CRACR2A: variants seen among roughly 807,000 people sequenced by gnomAD.
CRACR2A encodes EF-hand calcium-binding domain-containing protein 4B.
Under a neutral mutation model 90.5 loss-of-function variants are expected in CRACR2A, and 79 were observed. The observed-to-expected ratio is 0.87, with a 90% CI of 0.73 to 1.05. The LOEUF is 1.05. Ranked by LOEUF, CRACR2A falls within the 50% of genes least tolerant of loss-of-function variation. The pLI, the probability that CRACR2A is intolerant of heterozygous loss-of-function variation, is 0.00. For synonymous variants in CRACR2A, 338 were observed against 356.7 expected (o/e 0.95, Z 0.59); for missense variants, 823 against 897.2 (o/e 0.92, Z 1.06).
chr12:3,673,936 T>A (rs1400425715), intron 6 of CRACR2A, among the ~76,000 whole-genome samples: 1 of 152,166 alleles, frequency 6.6e-6, no homozygotes, highest in East Asian at 1.9e-4. Context: ...GTTGGCCTCC[T>A]TCCCCACCTC....
intron 2 of CRACR2A, among the ~76,000 whole-genome samples, chr12:3,721,622 TCTC>T (rs1946177890): frequency 6.6e-6 from 1 of 151,148 alleles, no homozygotes; most frequent in African/African-American, 2.4e-5. Context: ...ACGTTATTCT[TCTC>T]CTCAAATAGC....
Position 3,637,150 on chromosome 12 carries a change from G to C in CRACR2A, c.1602+974C>G, listed in dbSNP as rs538679374. ...GCAGGAAGACCTGGTGGGCAGTACAGGGTCACACTGAAGGGAGGAGCAGGC... is the reference window on the plus strand; with the variant it reads ...GCAGGAAGACCTGGTGGGCAGTACACGGTCACACTGAAGGGAGGAGCAGGC... On this transcript the variant is annotated intron_variant, in intron 14 of 19. Transcript: ENST00000440314. Among the ~76,000 whole-genome samples, 10 of 152,326 alleles carry C rather than the reference G, an allele frequency of 6.6e-5. No homozygotes were observed. In the South Asian group the frequency reaches 2.1e-3, roughly 32 times the overall value.
chr12:3,707,993 T>A (rs1945953526), intron 3 of CRACR2A, among the ~76,000 whole-genome samples: 1 of 152,216 alleles, frequency 6.6e-6, no homozygotes, highest in Non-Finnish European at 1.5e-5. Flanking sequence ...CTGGACAAAG[T>A]CGGGGCTGCA....
intron 2 of CRACR2A, among the ~76,000 whole-genome samples, chr12:3,724,491 C>A (rs1361575590): frequency 6.6e-6 from 1 of 152,212 alleles, no homozygotes; most frequent in Non-Finnish European, 1.5e-5. Flanking sequence ...TAACTAAGCA[C>A]AGCTGGCATT....
In CRACR2A at chr12:3,659,428, C is replaced by T. The variant is rs1011653480; in HGVS notation, c.762+136G>A. The T allele has an allele frequency of 1.0e-4, 70 of 667,148 alleles. No homozygotes were observed. In the East Asian group the frequency reaches 1.9e-3, roughly 18 times the overall value. The allele number at this position is 667,148 out of a possible 1,614,324, so 41.3% of individuals were successfully genotyped here. ...ATGTCCTGTGTGAAGGTGATAAATGCCTTGAAAAAAAAATACAGCAGAGAA... is the reference window on the plus strand; with the variant it reads ...ATGTCCTGTGTGAAGGTGATAAATGTCTTGAAAAAAAAATACAGCAGAGAA... On this transcript the variant is annotated intron_variant, in intron 8 of 19. Transcript: ENST00000440314.
At chr12:3,733,387 C>T (rs1305379989) in intron 1 of CRACR2A, among the ~76,000 whole-genome samples, 177 bp from the exon 2 acceptor site, 1 of 152,246 alleles carries the variant, frequency 6.6e-6, no homozygotes, top group African/African-American at 2.4e-5. Context: ...GTGACCTCCT[C>T]CCCAGCTCAG....
At chr12:3,640,666 A>G in intron 13 of CRACR2A, 1 of 1,305,432 alleles carries the variant, frequency 7.7e-7, no homozygotes. Context: ...GCTGATTTAC[A>G]TCTCCAGAGT....
rs373239567 is a variant in CRACR2A at position 3,678,888 on chromosome 12, G to A, written c.524+27C>T. 2.8e-5 allele frequency: 44 copies of A among 1,579,830 alleles called. 1 individual carries two copies. Among genetic ancestry groups the A allele is most frequent in the South Asian group, 9.5e-5 (8 of 83,898 alleles). The stretch of plus-strand genomic sequence containing the variant: ...AGAGGTTCCTACCAGGCTGGTCTCC[G>A]TTCTACAAATCACTGTCACCACTTA... On this transcript the variant is annotated intron_variant, in intron 6 of 19. Coordinates refer to ENST00000440314, the MANE Select transcript of CRACR2A (RefSeq NM_001144958.2).
intron 17 of CRACR2A, 42 bp from the exon 18 acceptor site, chr12:3,619,414 G>T: frequency 6.7e-7 from 1 of 1,494,544 alleles, no homozygotes; most frequent in South Asian, 1.2e-5. Context: ...GGGTGTCATA[G>T]GATTGCCCAG....
Position 3,678,932 on chromosome 12 carries a change from G to A in CRACR2A, c.507C>T (p.Ala169=), listed in dbSNP as rs1168042820. 3 of 1,608,662 alleles carry A rather than the reference G, an allele frequency of 1.9e-6. No individual in the cohort carries two copies. The highest frequency in any genetic ancestry group is 2.5e-6 in the Non-Finnish European group (3 of 1,178,092). ...CCACTTACTCTTCCAACACCTTTTG[G>A]GCTCCAAGTCTGTCCATCAGCATCC... The part of the protein sequence containing the change: ...QFRMLMDRLG[A]QKVLEDESDV... Residue 169 remains alanine, a synonymous_variant, in exon 6 of 20, where the codon GCC becomes GCT. Transcript: ENST00000440314.
intron 7 of CRACR2A, among the ~76,000 whole-genome samples, chr12:3,669,377 A>G (rs1420181538): frequency 6.6e-6 from 1 of 152,200 alleles, no homozygotes; most frequent in Non-Finnish European, 1.5e-5. Flanking sequence ...GTTCTCCCCA[A>G]TGTCTACACT....
intron 3 of CRACR2A, among the ~76,000 whole-genome samples, chr12:3,703,587 T>C (rs1945868595): frequency 6.6e-6 from 1 of 152,146 alleles, no homozygotes; most frequent in African/African-American, 2.4e-5. Context: ...TTCATCAAAA[T>C]TTGAAACATC....
intron 1 of CRACR2A, among the ~76,000 whole-genome samples, chr12:3,739,397 C>T (rs1946491467): frequency 4.6e-5 from 7 of 152,236 alleles, no homozygotes; most frequent in Admixed American, 3.9e-4. Context: ...ATGCTCCCAG[C>T]ATAGCTTCTG....
At chr12:3,728,122 G>A in intron 2 of CRACR2A, 1 of 152,242 alleles carries the variant, frequency 6.6e-6, no homozygotes, top group East Asian at 1.9e-4. Flanking sequence ...ATTCCATCAG[G>A]ACTCTGGAGT....
At chr12:3,718,464 G>T (rs561296252) in intron 2 of CRACR2A, among the ~76,000 whole-genome samples, 6 of 152,316 alleles carry the variant, frequency 3.9e-5, no homozygotes, top group African/African-American at 1.4e-4. Context: ...CCAAGCCATA[G>T]ACCTGTACTG....
chr12:3,745,825 T>TAAAATAAAATAAGATAAAATAAAG (rs149739964), intron 1 of CRACR2A, among the ~76,000 whole-genome samples: 1 of 100,486 alleles, frequency 1.0e-5, no homozygotes. Flanking sequence ...TAAAATAAAA[T>TAAAATAAAATAAGATAAAATAAAG]AAAGAAAGAA....
intron 7 of CRACR2A, chr12:3,672,589 T>G (rs1945264870): frequency 9.2e-6 from 2 of 217,210 alleles, no homozygotes; most frequent in Non-Finnish European, 1.6e-5. Context: ...ATACCACATC[T>G]AAGTCCATGT....
At chr12:3,666,655 C>T (rs368473420) in intron 7 of CRACR2A, among the ~76,000 whole-genome samples, 13 of 152,360 alleles carry the variant, frequency 8.5e-5, no homozygotes, top group African/African-American at 2.2e-4. Flanking sequence ...TAAGGTGCTA[C>T]GCCGGAGCGA....
At chr12:3,678,159 C>A (rs1945371092) in intron 6 of CRACR2A, among the ~76,000 whole-genome samples, 1 of 152,152 alleles carries the variant, frequency 6.6e-6, no homozygotes, top group Admixed American at 6.5e-5. Context: ...GCTTTTCAGG[C>A]CCTCTGTTTG....
Sources: gnomAD v4.1 joint callset for allele counts (sites outside exome capture counted in the v4.1 genomes callset) on GRCh38, gnomAD v4.1.1 for gene constraint, MANE v1.5 for transcripts, NCBI Gene and HGNC (gene_info 2026-07-23, HGNC 2026-07-21) for gene names.